GSS: variants seen among roughly 807,000 people sequenced by gnomAD.
GSS encodes the protein GSH synthetase.
GSS carries 34 observed loss-of-function variants against 60.4 expected under a neutral mutation model. The ratio of observed to expected loss-of-function variants is 0.56; its 90% CI spans 0.43 to 0.75. GSS has a LOEUF of 0.75. Ranked by LOEUF, GSS falls within the 30% of genes least tolerant of loss-of-function variation. GSS has a pLI of 0.00. For synonymous variants in GSS, 224 were observed against 239.0 expected (o/e 0.94, Z 0.58); for missense variants, 499 against 595.1 (o/e 0.84, Z 1.68).
intron 9 of GSS, 112 bp from the exon 10 acceptor site, chr20:34,932,245 T>C (rs2081407950): frequency 1.2e-6 from 1 of 837,600 alleles, no homozygotes; most frequent in Non-Finnish European, 2.1e-6. Context: ...TCACCCTCAT[T>C]ATCACCCAGG....
chr20:34,937,901 A>G (rs560768562), intron 6 of GSS, among the ~76,000 whole-genome samples: 1 of 152,290 alleles, frequency 6.6e-6, no homozygotes, highest in African/African-American at 2.4e-5. Context: ...CCTGTTGCCC[A>G]GGCTGGAGTG....
chr20:34,940,487 A>T (rs1022134288), intron 6 of GSS, among the ~76,000 whole-genome samples: 1 of 152,218 alleles, frequency 6.6e-6, no homozygotes, highest in Non-Finnish European at 1.5e-5. Context: ...AGCATGATTA[A>T]GAGTGGAGGT....
In GSS at chr20:34,941,772, A is replaced by G; in HGVS notation, c.549T>C (p.Asn183=). The change falls in exon 6 of 13, where the codon AAT becomes AAC. Residue 183 remains asparagine, a synonymous_variant. Transcript: ENST00000651619. The part of the protein sequence containing the change: ...TKEAGKILSN[N]PSKGLALGIA... Reference sequence around the variant, plus strand: ...TTCCCAGGGCCAGTCCCTTGCTGGGATTATTAGAGAGGATCTTGCCAGCTT... The same window carrying G: ...TTCCCAGGGCCAGTCCCTTGCTGGGGTTATTAGAGAGGATCTTGCCAGCTT... 6.2e-7 allele frequency: 1 copy of G among 1,612,064 alleles called. No individual in the cohort carries two copies. The highest frequency in any genetic ancestry group is 8.5e-7 in the Non-Finnish European group (1 of 1,179,524).
At chr20:34,948,760 G>A (rs1157700314) in intron 2 of GSS, among the ~76,000 whole-genome samples, 2 of 150,914 alleles carry the variant, frequency 1.3e-5, no homozygotes, top group Admixed American at 1.3e-4. Context: ...CTCCAGCCTG[G>A]CGACAGAGTG....
chr20:34,946,135 C>T (rs2081520915), intron 2 of GSS, 37 bp from the exon 3 acceptor site: 1 of 1,570,078 alleles, frequency 6.4e-7, no homozygotes, highest in Non-Finnish European at 8.7e-7. Context: ...AGGGGTAGGG[C>T]ACCTGTGAAC....
At chr20:34,942,848 G>T in intron 4 of GSS, 83 bp downstream of exon 4, 1 of 1,089,626 alleles carries the variant, frequency 9.2e-7, no homozygotes, top group Non-Finnish European at 1.4e-6. Flanking sequence ...TGAGGGCCTG[G>T]ACCAAATTCT....
At chr20:34,947,853 A>G (rs1323925969) in intron 2 of GSS, among the ~76,000 whole-genome samples, 1 of 152,090 alleles carries the variant, frequency 6.6e-6, no homozygotes, top group Non-Finnish European at 1.5e-5. Flanking sequence ...GAGAAAGTCC[A>G]TACATTCTAA....
At chr20:34,940,749 G>A (rs2081476042) in intron 6 of GSS, among the ~76,000 whole-genome samples, 5 of 152,220 alleles carry the variant, frequency 3.3e-5, no homozygotes, top group Admixed American at 2.6e-4. Context: ...TTAGTATAGC[G>A]GCCCCTCGAT....
chr20:34,942,652 A>C, intron 4 of GSS, 25 bp from the exon 5 acceptor site: 1 of 1,613,120 alleles, frequency 6.2e-7, no homozygotes, highest in Middle Eastern at 1.6e-4. Context: ...GAAGGCTGAC[A>C]GTACCTGCCC....
intron 4 of GSS, 40 bp from the exon 5 acceptor site, chr20:34,942,667 A>ATTTT (rs2081493509): frequency 6.2e-7 from 1 of 1,608,962 alleles, no homozygotes; most frequent in Admixed American, 1.7e-5. Context: ...CTGCCCAGGG[A>ATTTT]CTGACTCTGA....
chr20:34,952,077 CTCTT>C (rs2081573940), intron 1 of GSS: 3 of 597,862 alleles, frequency 5.0e-6, no homozygotes, highest in Middle Eastern at 4.6e-4. Flanking sequence ...TTGCCACTCT[CTCTT>C]TTGATTCCCA....
Position 34,932,192 on chromosome 20 carries a change from T to C in GSS, c.835-59A>G, listed in dbSNP as rs541310235. ...TTATTTTACTTCAGCTGACGTTTAC[T>C]GAACATCCATCCATTAGGTGCCAGG... On this transcript the variant is annotated intron_variant, in intron 9 of 12. Coordinates refer to ENST00000651619, the MANE Select transcript of GSS (RefSeq NM_000178.4). 1.6e-5 allele frequency: 21 copies of C among 1,321,392 alleles called. No individual in the cohort carries two copies. The South Asian group carries it at 2.1e-4, about 13-fold the overall frequency. 81.9% of individuals were successfully genotyped at this position (1,321,392 alleles called of 1,614,324 possible).
intron 3 of GSS, among the ~76,000 whole-genome samples, chr20:34,945,693 T>G (rs1161126453): frequency 9.9e-5 from 15 of 152,068 alleles, no homozygotes; most frequent in Admixed American, 9.2e-4. Context: ...GGATCTTGGA[T>G]TTAAGCCAGT....
chr20:34,944,995 G>A lies in GSS; in HGVS notation c.275+958C>T, dbSNP rs1198261268. Among the ~76,000 whole-genome samples, 3 of 151,620 alleles carry A rather than the reference G, an allele frequency of 2.0e-5. No homozygotes were observed. The East Asian group carries it at 5.8e-4, about 29-fold the overall frequency. On this transcript the variant is annotated intron_variant, in intron 3 of 12. Coordinates refer to ENST00000651619, the MANE Select transcript of GSS (RefSeq NM_000178.4). Reference sequence around the variant, plus strand: ...ATTTCTAGATATTTAATTCTACAATGAATATATATACATATATATATGTAT... The same window carrying A: ...ATTTCTAGATATTTAATTCTACAATAAATATATATACATATATATATGTAT...
intron 4 of GSS, 120 bp from the exon 5 acceptor site, chr20:34,942,747 C>A: frequency 9.4e-7 from 1 of 1,068,266 alleles, no homozygotes; most frequent in Non-Finnish European, 1.4e-6. Context: ...CAAACACTCC[C>A]AAGCCCAGTG....
chr20:34,941,424 C>G (rs928199284), intron 6 of GSS, among the ~76,000 whole-genome samples: 1 of 151,576 alleles, frequency 6.6e-6, no homozygotes, highest in Non-Finnish European at 1.5e-5. Context: ...CGCAGGCAAA[C>G]AGCCTTGCGT....
rs1569009253 is a variant in GSS, at chr20:34,931,416, C to T, written c.1031G>A (p.Gly344Asp). The stretch of plus-strand genomic sequence containing the variant: ...GGCGATGGCCTGGTCCCCTTCTTCA[C>T]CCTGGCAGGAGGCAGAAAGCAGTTA... ...TFAGLYSLDV[G>D]EEGDQAIAEA... Residue 344 changes from glycine to aspartate, a missense_variant and splice_region_variant, in exon 11 of 13, where the codon GGT becomes GAT. Physicochemically the swap from Gly to Asp is moderately conservative, Grantham distance 94. Coordinates refer to ENST00000651619, the MANE Select transcript of GSS (RefSeq NM_000178.4). 1 of 1,613,764 alleles carries T rather than the reference C, an allele frequency of 6.2e-7. No homozygotes were observed. The highest frequency in any genetic ancestry group is 1.1e-5 in the South Asian group (1 of 91,088).
At chr20:34,932,370 G>A (rs867571775) in intron 9 of GSS, among the ~76,000 whole-genome samples, 10 of 152,108 alleles carry the variant, frequency 6.6e-5, no homozygotes, top group Admixed American at 1.3e-4. Flanking sequence ...AACAATAGAA[G>A]GTGTAAGGGT....
At chr20:34,936,387 G>A (rs1215224551) in intron 8 of GSS, among the ~76,000 whole-genome samples, 1 of 152,150 alleles carries the variant, frequency 6.6e-6, no homozygotes, top group Non-Finnish European at 1.5e-5. Flanking sequence ...ACAAATCCAG[G>A]CTCGAGCTCA....
Sources: allele counts gnomAD v4.1 joint callset (sites outside exome capture counted in the v4.1 genomes callset), GRCh38; gene constraint gnomAD v4.1.1; transcripts MANE v1.5; gene names NCBI Gene and HGNC (gene_info 2026-07-23, HGNC 2026-07-21).